The following APTX variants were observed in gnomAD, a reference collection of about 807,000 sequenced individuals.
APTX encodes aprataxin, also known as forkhead-associated domain histidine triad-like protein.
A neutral mutation model predicts 42.3 loss-of-function variants in APTX; 33 were observed. That is an observed-to-expected ratio of 0.78 (90% confidence interval 0.59 to 1.04). APTX has a LOEUF of 1.04. Among genes scored for constraint, APTX ranks in the 50% least tolerant of loss-of-function variants. The probability of loss-of-function intolerance (pLI) is 0.00; values close to 1 mark genes in which losing one functional copy is unlikely to be tolerated. For missense variants in APTX, 421 were observed against 415.1 expected, an observed-to-expected ratio of 1.01 and a Z score of -0.12; for synonymous variants, 130 against 146.7, an observed-to-expected ratio of 0.89 and a Z score of 0.82.
chr9:33,007,219 G>A (rs751185015), intron 1 of APTX, among the ~76,000 whole-genome samples: 3 of 152,164 alleles, frequency 2.0e-5, no homozygotes, highest in Non-Finnish European at 2.9e-5. Flanking sequence ...TAGAAGTCCA[G>A]TGGAGGTGAA....
At chr9:32,982,904 C>T (rs1343624104) in intron 6 of APTX, among the ~76,000 whole-genome samples, 1 of 152,032 alleles carries the variant, frequency 6.6e-6, no homozygotes, top group Non-Finnish European at 1.5e-5. Flanking sequence ...ATACATCCAC[C>T]CTATGACCTA....
intron 1 of APTX, among the ~76,000 whole-genome samples, chr9:33,007,998 ATCCTTGTGACACT>A (rs1343777545): frequency 4.6e-5 from 7 of 151,978 alleles, no homozygotes; most frequent in Admixed American, 2.0e-4. Flanking sequence ...AGCATTCCAA[ATCCTTGTGACACT>A]GTCTGCTCTG....
At chr9:33,019,134 T>C (rs1838154006) in intron 1 of APTX, among the ~76,000 whole-genome samples, 1 of 152,190 alleles carries the variant, frequency 6.6e-6, no homozygotes, top group South Asian at 2.1e-4. Flanking sequence ...ATTTTAACAA[T>C]AGGTTAAGAC....
intron 1 of APTX, among the ~76,000 whole-genome samples, chr9:33,014,674 A>T (rs1837772661): frequency 6.6e-6 from 1 of 152,256 alleles, no homozygotes. Context: ...CACTTGCTAT[A>T]TGCCAATTAC....
At chr9:32,987,881 A>C in intron 3 of APTX, 35 bp from the exon 4 acceptor site, 1 of 1,607,974 alleles carries the variant, frequency 6.2e-7, no homozygotes, top group Non-Finnish European at 8.5e-7. Flanking sequence ...AATTATAATA[A>C]TAGCAACAGC....
At position 32,972,695 on chromosome 9, in the gene APTX, T is replaced by C; in HGVS notation, c.*803A>G. 2 of 446,152 alleles carry C rather than the reference T, an allele frequency of 4.5e-6. No homozygotes were observed. Among genetic ancestry groups the C allele is most frequent in the Non-Finnish European group, 4.5e-6 (1 of 222,196 alleles). 27.6% of individuals were successfully genotyped at this position (446,152 alleles called of 1,614,324 possible). On this transcript the variant is annotated 3_prime_UTR_variant, in exon 8 of 8. Coordinates refer to ENST00000379817, the MANE Select transcript of APTX (RefSeq NM_001195248.2). Reference sequence around the variant, plus strand: ...TTTTCATTCACCAACCACCTTTCCATGCATCAGAACCTATGCTGTGATTGT... The same window carrying C: ...TTTTCATTCACCAACCACCTTTCCACGCATCAGAACCTATGCTGTGATTGT...
rs772246072 is a variant in APTX at position 32,987,809 on chromosome 9, A to G, written c.218T>C (p.Ile73Thr). ...VNPTSIDSVV[I>T]GKDQEVKLQP... ...CAGCTTCACCTCTTGGTCCTTCCCA[A>G]TTACGACTGAGTCAATGCTGGTGGG... The change falls in exon 4 of 8, where the codon ATT becomes ACT. Residue 73 changes from isoleucine (I) to threonine (T), a missense_variant. Physicochemically the swap from Ile to Thr is moderately conservative, Grantham distance 89. Transcript: ENST00000379817. The G allele has an allele frequency of 7.4e-6, 12 of 1,613,818 alleles. No homozygotes were observed. The highest frequency in any genetic ancestry group is 1.3e-5 in the African/African-American group (1 of 74,916).
intron 1 of APTX, among the ~76,000 whole-genome samples, chr9:33,013,351 T>C (rs1353271543): frequency 1.3e-5 from 2 of 152,154 alleles, no homozygotes; most frequent in Non-Finnish European, 2.9e-5. Flanking sequence ...AGAATTTGTA[T>C]TGTTAGCCAC....
At chr9:32,992,145 C>G (rs891315821) in intron 1 of APTX, among the ~76,000 whole-genome samples, 2 of 152,164 alleles carry the variant, frequency 1.3e-5, no homozygotes, top group Admixed American at 1.3e-4. Context: ...TATCAGTGCT[C>G]AAGCCTCTAA....
rs564623986 is a variant in APTX, at chr9:33,014,750, A to G, written c.-5+10273T>C. On this transcript the variant is annotated intron_variant, in intron 1 of 6. Coordinates refer to the APTX transcript ENST00000436040. ...CACCAAGACAGTCCTCCACCCTAGA[A>G]GTATTGCTGTAGCTCAGCAAATTGC... 2.0e-4 allele frequency among the ~76,000 whole-genome samples: 30 copies of G among 152,374 alleles called. 1 individual carries two copies. Among genetic ancestry groups the G allele is most frequent in the Middle Eastern group, 6.8e-3 (2 of 294 alleles).
chr9:32,983,068 C>T (rs1268187312), intron 6 of APTX, among the ~76,000 whole-genome samples: 1 of 152,066 alleles, frequency 6.6e-6, no homozygotes, highest in Non-Finnish European at 1.5e-5. Context: ...ACTCAACCTC[C>T]CAAGTAGCAG....
At chr9:32,986,496 C>T (rs1832178505) in intron 4 of APTX, among the ~76,000 whole-genome samples, 2 of 143,274 alleles carry the variant, frequency 1.4e-5, no homozygotes, top group South Asian at 2.2e-4. Context: ...CACACCCGAC[C>T]CTATATTCTT....
chr9:33,001,447 AGC>A (rs760307374), intron 1 of APTX, 118 bp downstream of exon 1: 1,020 of 1,568,492 alleles, frequency 6.5e-4, no homozygotes, highest in Non-Finnish European at 8.0e-4. Flanking sequence ...CCGTGAGAGC[AGC>A]GCATGAAAGC....
At chr9:32,973,991 C>T (rs1029749823) in intron 7 of APTX, among the ~76,000 whole-genome samples, 1 of 152,016 alleles carries the variant, frequency 6.6e-6, no homozygotes, top group Admixed American at 6.6e-5. Context: ...TAAGTTCTTA[C>T]ACACCAGGAA....
chr9:32,986,044 A>C lies in APTX; in HGVS notation c.484-14T>G. 1 of 611,800 alleles carries C rather than the reference A, an allele frequency of 1.6e-6. No homozygotes were observed. Among genetic ancestry groups the C allele is most frequent in the African/African-American group, 4.0e-5 (1 of 24,846 alleles). 37.9% of individuals were successfully genotyped at this position (611,800 alleles called of 1,614,324 possible). ...GCCCAGGGATTCCTAAAAAAAAAAC[A>C]AAAAAAAAAACAAAAAAAAAAAAAA... On this transcript the variant is annotated splice_polypyrimidine_tract_variant and intron_variant, in intron 4 of 7. Coordinates refer to ENST00000379817, the MANE Select transcript of APTX (RefSeq NM_001195248.2).
Position 33,013,710 on chromosome 9 carries a change from G to C in APTX, c.-5+11313C>G, listed in dbSNP as rs192543538. Reference sequence around the variant, plus strand: ...TAGTCACAGCTACTCAGGAGGCTGAGACAGAATGGTGTGAACCCGGGAGGC... The same window carrying C: ...TAGTCACAGCTACTCAGGAGGCTGACACAGAATGGTGTGAACCCGGGAGGC... On this transcript the variant is annotated intron_variant, in intron 1 of 6. Transcript: ENST00000436040. 2.6e-5 allele frequency among the ~76,000 whole-genome samples: 4 copies of C among 152,294 alleles called. No homozygotes were observed. The East Asian group carries it at 7.7e-4, about 29-fold the overall frequency.
intron 5 of APTX, among the ~76,000 whole-genome samples, chr9:32,985,736 T>A (rs1831845398): frequency 6.6e-6 from 1 of 152,120 alleles, no homozygotes. Flanking sequence ...CCCAGAAGTT[T>A]AAAAGGCACA....
At chr9:33,007,561 CTT>C (rs1202479594) in intron 1 of APTX, among the ~76,000 whole-genome samples, 1 of 152,156 alleles carries the variant, frequency 6.6e-6, no homozygotes, top group Non-Finnish European at 1.5e-5. Context: ...AAAACATACT[CTT>C]TTCTATAGGC....
chr9:32,989,087 AG>A (rs1381607907), intron 2 of APTX, among the ~76,000 whole-genome samples: 1 of 152,230 alleles, frequency 6.6e-6, no homozygotes, highest in Non-Finnish European at 1.5e-5. Context: ...AGAGAGAAGC[AG>A]CCACTGCTTC....
Sources: allele counts gnomAD v4.1 joint callset (sites outside exome capture counted in the v4.1 genomes callset), GRCh38; gene constraint gnomAD v4.1.1; transcripts MANE v1.5; gene names NCBI Gene and HGNC (gene_info 2026-07-23, HGNC 2026-07-21).